The following HCN1 variants were observed in gnomAD, a reference collection of about 807,000 sequenced individuals.
HCN1 encodes potassium/sodium hyperpolarization-activated cyclic nucleotide-gated channel 1.
A neutral mutation model predicts 78.9 loss-of-function variants in HCN1; 13 were observed. That is an observed-to-expected ratio of 0.16 (90% CI 0.11 to 0.26). The LOEUF (loss-of-function observed/expected upper bound fraction) is 0.26, where lower values mean the gene tolerates loss of function less well. HCN1 is among the 10% of genes least tolerant of loss of function. The pLI is 1.00. For synonymous variants in HCN1, 552 were observed against 455.5 expected (o/e 1.21, Z -2.70); for missense variants, 810 against 1,154.3 (o/e 0.70, Z 4.32).
chr5:45,352,986 T>C, intron 5 of HCN1, 114 bp downstream of exon 5: 2 of 843,422 alleles, frequency 2.4e-6, no homozygotes, highest in East Asian at 2.6e-5. Flanking sequence ...AAGGACAAAA[T>C]ATCTTAATAA....
At chr5:45,473,884 C>T (rs1220528814) in intron 2 of HCN1, among the ~76,000 whole-genome samples, 1 of 151,828 alleles carries the variant, frequency 6.6e-6, no homozygotes, top group Non-Finnish European at 1.5e-5. Context: ...TTTTCATATA[C>T]TGCTGTTGCT....
At chr5:45,572,837 A>G (rs1424826948) in intron 2 of HCN1, among the ~76,000 whole-genome samples, 1 of 152,192 alleles carries the variant, frequency 6.6e-6, no homozygotes, top group Non-Finnish European at 1.5e-5. Flanking sequence ...TGAATAGGGA[A>G]AAAGAGATAA....
In HCN1 at chr5:45,525,500, T is replaced by C. The variant is rs151216725; in HGVS notation, c.850-63493A>G. On this transcript the variant is annotated intron_variant, in intron 2 of 7. Transcript: ENST00000303230. ...ATATAAATATAATTATTTTATATAC[T>C]AATTAATATATTCCGTCTGTACAAA... Among the ~76,000 whole-genome samples, 622 of 151,706 alleles carry C rather than the reference T, an allele frequency of 4.1e-3. 2 individuals are homozygous for C. Among genetic ancestry groups the C allele is most frequent in the Admixed American group, 8.2e-3 (124 of 15,192 alleles).
intron 5 of HCN1, among the ~76,000 whole-genome samples, chr5:45,321,615 A>T (rs1319785623): frequency 6.7e-6 from 1 of 150,182 alleles, no homozygotes; most frequent in Non-Finnish European, 1.5e-5. Flanking sequence ...TGCCCATTGG[A>T]GACTAATACC....
chr5:45,371,509 A>G (rs891130016), intron 4 of HCN1, among the ~76,000 whole-genome samples: 1 of 151,940 alleles, frequency 6.6e-6, no homozygotes, highest in Non-Finnish European at 1.5e-5. Flanking sequence ...CTGTAATCCC[A>G]GCACTTTGGG....
chr5:45,535,727 G>A (rs1322079964), intron 2 of HCN1, among the ~76,000 whole-genome samples: 2 of 151,344 alleles, frequency 1.3e-5, no homozygotes, highest in East Asian at 3.9e-4. Context: ...TAATACCAAG[G>A]AATTTTCCAT....
chr5:45,349,699 C>T lies in HCN1; in HGVS notation c.1377+3401G>A, dbSNP rs193124238. Reference sequence around the variant, plus strand: ...AAAAATGATAAAGGGGATATCACCACCGATCCCACAGAAATACAAACTGCC... The same window carrying T: ...AAAAATGATAAAGGGGATATCACCATCGATCCCACAGAAATACAAACTGCC... On this transcript the variant is annotated intron_variant, in intron 5 of 7. Transcript: ENST00000303230. 5.2e-3 allele frequency among the ~76,000 whole-genome samples: 790 copies of T among 152,124 alleles called. 6 individuals carry two copies. Among genetic ancestry groups the T allele is most frequent in the Non-Finnish European group, 8.6e-3 (582 of 67,992 alleles).
At chr5:45,625,729 A>C (rs1460372072) in intron 2 of HCN1, among the ~76,000 whole-genome samples, 2 of 152,176 alleles carry the variant, frequency 1.3e-5, no homozygotes, top group African/African-American at 4.8e-5. Flanking sequence ...AGTGCGAATA[A>C]AATAAAATTT....
At chr5:45,479,678 A>G (rs1026214125) in intron 2 of HCN1, among the ~76,000 whole-genome samples, 15 of 152,210 alleles carry the variant, frequency 9.9e-5, no homozygotes, top group African/African-American at 3.1e-4. Flanking sequence ...TCAACACTCA[A>G]TATAGGAAAT....
At chr5:45,658,561 G>T (rs938532042) in intron 1 of HCN1, among the ~76,000 whole-genome samples, 1 of 152,076 alleles carries the variant, frequency 6.6e-6, no homozygotes, top group African/African-American at 2.4e-5. Flanking sequence ...TCTCACTAGG[G>T]AGTGCCAGAC....
At chr5:45,469,563 G>GATT (rs1415726762) in intron 2 of HCN1, among the ~76,000 whole-genome samples, 8 of 151,872 alleles carry the variant, frequency 5.3e-5, no homozygotes, top group Non-Finnish European at 1.2e-4. Context: ...TTTGTCTGAA[G>GATT]ATTATTTGAT....
At chr5:45,434,027 C>G (rs528355960) in intron 3 of HCN1, among the ~76,000 whole-genome samples, 24 of 152,118 alleles carry the variant, frequency 1.6e-4, no homozygotes, top group African/African-American at 5.8e-4. Flanking sequence ...GAGTGGTGTC[C>G]CAGTGTCAGA....
At chr5:45,567,873 A>C (rs566151011) in intron 2 of HCN1, among the ~76,000 whole-genome samples, 1 of 147,206 alleles carries the variant, frequency 6.8e-6, no homozygotes, top group African/African-American at 2.5e-5. Flanking sequence ...TTTGCTTGTA[A>C]AATGCATAAC....
intron 3 of HCN1, among the ~76,000 whole-genome samples, chr5:45,397,487 G>A (rs1437241758): frequency 1.3e-5 from 2 of 151,834 alleles, no homozygotes; most frequent in African/African-American, 4.8e-5. Flanking sequence ...TAAAAATGCT[G>A]TCCAATGTAT....
intron 6 of HCN1, among the ~76,000 whole-genome samples, chr5:45,301,925 A>C (rs1345409922): frequency 6.6e-6 from 1 of 152,052 alleles, no homozygotes; most frequent in Non-Finnish European, 1.5e-5. Flanking sequence ...TGCATCATAT[A>C]AAATATATAT....
At chr5:45,380,609 CG>C (rs1205490634) in intron 4 of HCN1, among the ~76,000 whole-genome samples, 1 of 151,964 alleles carries the variant, frequency 6.6e-6, no homozygotes, top group African/African-American at 2.4e-5. Flanking sequence ...TTTTATGTTA[CG>C]TATGTTTTAT....
Position 45,323,584 on chromosome 5 carries a change from C to A in HCN1, c.1378-19745G>T, listed in dbSNP as rs968189680. ...TTTTTCATTTTTTATCATTATTATA[C>A]TTTAAGTTTTACAGTACATATGCAC... On this transcript the variant is annotated intron_variant, in intron 5 of 7. Coordinates refer to ENST00000303230, the MANE Select transcript of HCN1 (RefSeq NM_021072.4). 2.0e-5 allele frequency among the ~76,000 whole-genome samples: 3 copies of A among 151,658 alleles called. No individual in the cohort carries two copies. In the East Asian group the frequency reaches 5.8e-4, roughly 30 times the overall value.
intron 3 of HCN1, among the ~76,000 whole-genome samples, chr5:45,399,874 A>G (rs1297004364): frequency 6.6e-6 from 1 of 152,180 alleles, no homozygotes; most frequent in Non-Finnish European, 1.5e-5. Flanking sequence ...TTTTAACACA[A>G]GAAAATTAGT....
intron 6 of HCN1, among the ~76,000 whole-genome samples, chr5:45,290,584 T>A (rs115785522): frequency 0.016 from 2,405 of 152,164 alleles, 67 homozygotes; most frequent in African/African-American, 0.053. Flanking sequence ...AAAGACACCA[T>A]TTATTAGAAG....
Sources: allele counts gnomAD v4.1 joint callset (sites outside exome capture counted in the v4.1 genomes callset), GRCh38; gene constraint gnomAD v4.1.1; transcripts MANE v1.5; gene names NCBI Gene and HGNC (gene_info 2026-07-23, HGNC 2026-07-21).